The following LRP1B variants were observed in gnomAD, a reference collection of about 807,000 sequenced individuals.
The protein encoded by LRP1B is low-density lipoprotein receptor-related protein 1B.
In LRP1B, 217 loss-of-function variants were observed where a neutral mutation model predicts 556.6. The observed-to-expected ratio is 0.39, with a 90% CI of 0.35 to 0.44. The LOEUF (loss-of-function observed/expected upper bound fraction) is 0.44, where lower values mean the gene tolerates loss of function less well. LRP1B is among the 20% of genes least tolerant of loss of function. LRP1B has a pLI of 1.00. For synonymous variants in LRP1B, 2,047 were observed against 1,865.8 expected, an observed-to-expected ratio of 1.10 and a Z score of -2.50; for missense variants, 5,053 against 5,620.8, an observed-to-expected ratio of 0.90 and a Z score of 3.23.
At chr2:140,529,441 G>T (rs1185628405) in intron 47 of LRP1B, among the ~76,000 whole-genome samples, 1 of 117,338 alleles carries the variant, frequency 8.5e-6, no homozygotes, top group African/African-American at 3.4e-5. Flanking sequence ...AAGGGGGGGG[G>T]GAAGCATTAA....
intron 2 of LRP1B, among the ~76,000 whole-genome samples, chr2:141,650,304 C>T (rs1188791108): frequency 6.6e-6 from 1 of 152,098 alleles, no homozygotes; most frequent in Non-Finnish European, 1.5e-5. Flanking sequence ...ATGATTTAGC[C>T]TACTTCTTTG....
intron 2 of LRP1B, among the ~76,000 whole-genome samples, chr2:141,544,367 C>CTTCTTCTTCTTCTTCTTCTTCTTCTT (rs1685454615): frequency 9.2e-6 from 1 of 108,428 alleles, no homozygotes; most frequent in African/African-American, 3.2e-5. Context: ...TCTTCTTCTT[C>CTTCTTCTTCTTCTTCTTCTTCTTCTT]TTCTTCTTCT....
rs950066988 is a variant in LRP1B at position 141,638,614 on chromosome 2, C to T, written c.206-158081G>A. Among the ~76,000 whole-genome samples the T allele has an allele frequency of 1.3e-4, 15 of 115,846 alleles. 6 individuals are homozygous for T. The highest frequency in any genetic ancestry group is 2.4e-4 in the Non-Finnish European group (12 of 49,394). 76.0% of individuals were successfully genotyped at this position (115,846 alleles called of 152,430 possible). On this transcript the variant is annotated intron_variant, in intron 2 of 90. Coordinates refer to ENST00000389484, the MANE Select transcript of LRP1B (RefSeq NM_018557.3). ...AGACCAGGCAAAGCAGTGGTCTTTG[C>T]GTGGTCTCTTCACACAAAGCACAGA...
At chr2:141,735,344 A>T (rs7603183) in intron 2 of LRP1B, among the ~76,000 whole-genome samples, 3,407 of 151,786 alleles carry the variant, frequency 0.022, 144 homozygotes, top group African/African-American at 0.079. Flanking sequence ...CTGAGGGAAG[A>T]CCCTAAAGGG....
intron 2 of LRP1B, among the ~76,000 whole-genome samples, chr2:141,644,017 T>A (rs781230217): frequency 1.7e-5 from 1 of 57,606 alleles, no homozygotes; most frequent in Non-Finnish European, 4.8e-5. Flanking sequence ...AGAGTGTGTG[T>A]GTGTGTGTGT....
intron 2 of LRP1B, among the ~76,000 whole-genome samples, chr2:141,528,091 T>A (rs1684750501): frequency 6.6e-6 from 1 of 151,762 alleles, no homozygotes; most frequent in Admixed American, 6.6e-5. Flanking sequence ...GACCTCTCAC[T>A]ATTTACTCCC....
At chr2:141,564,607 C>T (rs746050841) in intron 2 of LRP1B, among the ~76,000 whole-genome samples, 2 of 151,876 alleles carry the variant, frequency 1.3e-5, no homozygotes, top group East Asian at 1.9e-4. Context: ...TTATGATCCC[C>T]GAAGTTTGGT....
rs1558913754 is a variant in LRP1B at position 140,483,642 on chromosome 2, T to TATA, written c.9425+1700_9425+1701insTAT. Among the ~76,000 whole-genome samples, 14 of 61,044 alleles carry TATA rather than the reference T, an allele frequency of 2.3e-4. No homozygotes were observed. The East Asian group carries it at 5.5e-3, about 24-fold the overall frequency. 40.0% of individuals were successfully genotyped at this position (61,044 alleles called of 152,430 possible). On this transcript the variant is annotated intron_variant, in intron 59 of 90. Transcript: ENST00000389484. ...TATATATATATATATATATATATATTTTTTTTTTTTTTTTTTGAGACACTG... is the reference window on the plus strand; with the variant it reads ...TATATATATATATATATATATATATTATATTTTTTTTTTTTTTTTGAGACACTG...
At chr2:141,931,092 G>C (rs7597632) in intron 1 of LRP1B, among the ~76,000 whole-genome samples, 11,834 of 152,024 alleles carry the variant, frequency 0.078, 1,542 homozygotes, top group African/African-American at 0.27. Flanking sequence ...AATATTATGT[G>C]TTAGAATACA....
intron 1 of LRP1B, among the ~76,000 whole-genome samples, chr2:142,023,921 C>G (rs1394521737): frequency 1.3e-5 from 2 of 152,162 alleles, no homozygotes; most frequent in Non-Finnish European, 2.9e-5. Flanking sequence ...TTATATAATA[C>G]TACTACTTAT....
At chr2:140,890,899 C>G (rs1693777985) in intron 23 of LRP1B, among the ~76,000 whole-genome samples, 1 of 151,976 alleles carries the variant, frequency 6.6e-6, no homozygotes, top group African/African-American at 2.4e-5. Context: ...TTGTTTTAAT[C>G]TTGACATAAC....
chr2:141,018,218 C>T (rs1697963201), intron 12 of LRP1B, among the ~76,000 whole-genome samples: 1 of 151,974 alleles, frequency 6.6e-6, no homozygotes, highest in Admixed American at 6.6e-5. Context: ...TATTTCAAGG[C>T]CTGTTTGAAT....
intron 23 of LRP1B, among the ~76,000 whole-genome samples, chr2:140,888,915 A>G (rs990538414): frequency 6.7e-6 from 1 of 150,224 alleles, no homozygotes; most frequent in African/African-American, 2.5e-5. Flanking sequence ...GTGAGCCTAG[A>G]TCATGCCACT....
intron 7 of LRP1B, among the ~76,000 whole-genome samples, chr2:141,091,074 A>G: frequency 6.6e-6 from 1 of 152,216 alleles, no homozygotes. Flanking sequence ...AAGTTTGGTC[A>G]ATTATCATTT....
chr2:141,013,431 T>C, intron 14 of LRP1B, 125 bp downstream of exon 14: 1 of 734,998 alleles, frequency 1.4e-6, no homozygotes, highest in Non-Finnish European at 2.1e-6. Flanking sequence ...TTGATTGACT[T>C]TGGAGGGAAT....
Position 140,514,716 on chromosome 2 carries a change from G to A in LRP1B, c.8206C>T (p.His2736Tyr), listed in dbSNP as rs1268994377. ...ACSAQKCISK[H>Y]WICDGEDDCG... The stretch of plus-strand genomic sequence containing the variant: ...TCATCTTCTCCATCACAAATCCAAT[G>A]CTTAGAAATACATTTTTGTGCGGAA... Residue 2736 changes from histidine (H) to tyrosine (Y), a missense_variant, in exon 51 of 91, where the codon CAT becomes TAT. Physicochemically the swap from His to Tyr is moderately conservative, Grantham distance 83. Coordinates refer to ENST00000389484, the MANE Select transcript of LRP1B (RefSeq NM_018557.3). 11 of 1,612,344 alleles carry A rather than the reference G, an allele frequency of 6.8e-6. No individual in the cohort carries two copies. Among genetic ancestry groups the A allele is most frequent in the Non-Finnish European group, 9.3e-6 (11 of 1,178,892 alleles).
chr2:140,240,514 G>T (rs1052460145), intron 87 of LRP1B, among the ~76,000 whole-genome samples: 6 of 149,238 alleles, frequency 4.0e-5, no homozygotes, highest in African/African-American at 1.5e-4. Flanking sequence ...ACCCACAGGA[G>T]AATACACCCA....
At chr2:141,843,634 C>T (rs1166572861) in intron 1 of LRP1B, among the ~76,000 whole-genome samples, 2 of 152,110 alleles carry the variant, frequency 1.3e-5, no homozygotes, top group African/African-American at 4.8e-5. Context: ...CTATGGACTA[C>T]TCCTCTTTTT....
At chr2:141,606,071 GC>G (rs1687909586) in intron 2 of LRP1B, among the ~76,000 whole-genome samples, 1 of 152,114 alleles carries the variant, frequency 6.6e-6, no homozygotes, top group Non-Finnish European at 1.5e-5. Flanking sequence ...ACACGTCCGT[GC>G]TAGACAAGAG....
Sources: allele counts gnomAD v4.1 joint callset (sites outside exome capture counted in the v4.1 genomes callset), GRCh38; gene constraint gnomAD v4.1.1; transcripts MANE v1.5; gene names NCBI Gene and HGNC (gene_info 2026-07-23, HGNC 2026-07-21).